VPS41: variants seen among roughly 807,000 people sequenced by gnomAD.
VPS41 encodes the protein VPS41 subunit of HOPS complex, also known as vacuolar protein sorting-associated protein 41 homolog.
A neutral mutation model predicts 130.9 loss-of-function variants in VPS41; 85 were observed. That is an observed-to-expected ratio of 0.65 (90% confidence interval 0.55 to 0.78). VPS41 has a LOEUF of 0.78. Among genes scored for constraint, VPS41 ranks in the 30% least tolerant of loss-of-function variants. The pLI, the probability that VPS41 is intolerant of heterozygous loss-of-function variation, is 0.00. For missense variants in VPS41, 874 were observed against 1,018.7 expected, an observed-to-expected ratio of 0.86 and a Z score of 1.93; for synonymous variants, 335 against 332.9, an observed-to-expected ratio of 1.01 and a Z score of -0.07.
At chr7:38,767,974 T>C (rs1784079607) in intron 14 of VPS41, among the ~76,000 whole-genome samples, 2 of 152,182 alleles carry the variant, frequency 1.3e-5, no homozygotes, top group African/African-American at 2.4e-5. Context: ...CCTTCATCTG[T>C]AGAATGCAAG....
intron 2 of VPS41, among the ~76,000 whole-genome samples, chr7:38,891,478 C>T (rs968255950): frequency 1.3e-5 from 2 of 152,132 alleles, no homozygotes; most frequent in Non-Finnish European, 2.9e-5. Context: ...CAGACCAAAT[C>T]CAGCCAGGCA....
At position 38,726,151 on chromosome 7, in the gene VPS41, ATC is replaced by A; in HGVS notation, c.*93_*94del. On this transcript the variant is annotated 3_prime_UTR_variant, in exon 29 of 29. Coordinates refer to ENST00000310301, the MANE Select transcript of VPS41 (RefSeq NM_014396.4). The stretch of plus-strand genomic sequence containing the variant: ...TTGAGTATAATATAAACATAAACAA[ATC>A]TCTTAACAGCACGAGTGTCAACAAA... The A allele has an allele frequency of 1.2e-6, 1 of 802,372 alleles. No homozygotes were observed. The highest frequency in any genetic ancestry group is 2.1e-6 in the Non-Finnish European group (1 of 466,810). 49.7% of individuals were successfully genotyped at this position (802,372 alleles called of 1,614,324 possible).
rs138977981 is a variant in VPS41 at position 38,898,066 on chromosome 7, G to A, written c.60+25C>T. ...GAACAACGTGGTGAGCTACAAATCC[G>A]AGGGCTCCTGAGTCACCACCTTACC... On this transcript the variant is annotated intron_variant, in intron 2 of 28. Transcript: ENST00000310301. The A allele has an allele frequency of 7.1e-5, 114 of 1,610,356 alleles. 1 individual carries two copies. Among genetic ancestry groups the A allele is most frequent in the African/African-American group, 6.7e-4 (50 of 74,920 alleles).
chr7:38,790,188 C>G (rs535816275), intron 9 of VPS41, among the ~76,000 whole-genome samples: 1 of 152,180 alleles, frequency 6.6e-6, no homozygotes, highest in Non-Finnish European at 1.5e-5. Context: ...ACATAGTGTT[C>G]TTTTATAGCT....
chr7:38,800,096 T>C (rs1460565175), intron 7 of VPS41, among the ~76,000 whole-genome samples: 2 of 152,144 alleles, frequency 1.3e-5, no homozygotes, highest in African/African-American at 4.8e-5. Context: ...TCAGACAAGT[T>C]AGTAAAGATG....
At chr7:38,857,088 C>T (rs1327314256) in intron 4 of VPS41, among the ~76,000 whole-genome samples, 1 of 152,136 alleles carries the variant, frequency 6.6e-6, no homozygotes, top group Non-Finnish European at 1.5e-5. Flanking sequence ...AGCACATGAA[C>T]ACGAAAGGTA....
chr7:38,869,395 T>C, intron 2 of VPS41, 142 bp from the exon 3 acceptor site: 1 of 586,264 alleles, frequency 1.7e-6, no homozygotes, highest in South Asian at 2.4e-5. Context: ...GTTAAAATCT[T>C]CATATTTCAT....
chr7:38,796,628 C>T (rs779352188), intron 8 of VPS41, 117 bp downstream of exon 8: 2 of 1,489,542 alleles, frequency 1.3e-6, no homozygotes, highest in Non-Finnish European at 1.9e-6. Flanking sequence ...CGTCCTTACA[C>T]CCTTTAGAAA....
chr7:38,854,801 A>G (rs1187533043), intron 4 of VPS41, among the ~76,000 whole-genome samples: 1 of 152,020 alleles, frequency 6.6e-6, no homozygotes, highest in South Asian at 2.1e-4. Context: ...GTGGAAAATG[A>G]CATTGAGGCA....
intron 1 of VPS41, among the ~76,000 whole-genome samples, chr7:38,902,719 G>A (rs1787171623): frequency 6.6e-6 from 1 of 152,106 alleles, no homozygotes; most frequent in Non-Finnish European, 1.5e-5. Context: ...GAAGGCCCCT[G>A]GCCCCATCCT....
intron 4 of VPS41, among the ~76,000 whole-genome samples, chr7:38,841,603 T>G (rs545497467): frequency 6.6e-6 from 1 of 152,312 alleles, no homozygotes; most frequent in Non-Finnish European, 1.5e-5. Flanking sequence ...GCCTTTCTAC[T>G]CACAACTTTT....
At chr7:38,728,632 G>C (rs373894413) in intron 26 of VPS41, 46 bp from the exon 27 acceptor site, 4 of 1,613,630 alleles carry the variant, frequency 2.5e-6, no homozygotes, top group Non-Finnish European at 3.4e-6. Flanking sequence ...GTTTATACCT[G>C]CTTGGCCATT....
chr7:38,866,595 C>A (rs1392980844), intron 3 of VPS41, among the ~76,000 whole-genome samples: 1 of 152,008 alleles, frequency 6.6e-6, no homozygotes, highest in Admixed American at 6.6e-5. Context: ...TGCTGAGGTT[C>A]AGGAAAAAAG....
chr7:38,811,619 A>C (rs1015835674), intron 7 of VPS41, among the ~76,000 whole-genome samples: 14 of 140,384 alleles, frequency 1.0e-4, no homozygotes, highest in African/African-American at 1.9e-4. Flanking sequence ...ACACACACAC[A>C]CCCCTCCATA....
At chr7:38,908,855 G>A (rs888922850) in intron 1 of VPS41, among the ~76,000 whole-genome samples, 3 of 152,332 alleles carry the variant, frequency 2.0e-5, no homozygotes, top group East Asian at 1.9e-4. Flanking sequence ...AGTCCCTGAG[G>A]TAGCCGGGCC....
At chr7:38,754,787 T>A (rs1278518574) in intron 20 of VPS41, 35 bp from the exon 21 acceptor site, 2 of 1,602,326 alleles carry the variant, frequency 1.2e-6, no homozygotes, top group African/African-American at 1.3e-5. Context: ...GGTGGAGTCA[T>A]GAGGACAGAA....
At chr7:38,801,924 C>T (rs1260319623) in intron 7 of VPS41, among the ~76,000 whole-genome samples, 1 of 152,126 alleles carries the variant, frequency 6.6e-6, no homozygotes, top group Non-Finnish European at 1.5e-5. Flanking sequence ...AGTAATACTC[C>T]TAAAATATTT....
chr7:38,794,188 C>T (rs1784580399), intron 9 of VPS41, among the ~76,000 whole-genome samples: 1 of 152,094 alleles, frequency 6.6e-6, no homozygotes, highest in African/African-American at 2.4e-5. Flanking sequence ...TTTTAAAATA[C>T]TAAGAATATA....
At chr7:38,804,820 C>T (rs779145230) in intron 7 of VPS41, among the ~76,000 whole-genome samples, 11 of 152,262 alleles carry the variant, frequency 7.2e-5, no homozygotes, top group South Asian at 2.1e-4. Context: ...ATTACAAGTG[C>T]GATTTCAGAA....
Sources: gnomAD v4.1 joint callset for allele counts (sites outside exome capture counted in the v4.1 genomes callset) on GRCh38, gnomAD v4.1.1 for gene constraint, MANE v1.5 for transcripts, NCBI Gene and HGNC (gene_info 2026-07-23, HGNC 2026-07-21) for gene names.